The following NRCAM variants were observed in gnomAD, a reference collection of about 807,000 sequenced individuals.
NRCAM encodes the protein NgCAM-related cell adhesion molecule.
NRCAM carries 83 observed loss-of-function variants against 156.5 expected under a neutral mutation model. That is an observed-to-expected ratio of 0.53 (90% CI 0.44 to 0.64). NRCAM has a LOEUF of 0.64. Ranked by LOEUF, NRCAM falls within the 30% of genes least tolerant of loss-of-function variation. The probability of loss-of-function intolerance (pLI) is 0.00; values close to 1 mark genes in which losing one functional copy is unlikely to be tolerated. For missense variants in NRCAM, 1,417 were observed against 1,597.3 expected (o/e 0.89, Z 1.92); for synonymous variants, 538 against 563.9 (o/e 0.95, Z 0.65).
intron 2 of NRCAM, among the ~76,000 whole-genome samples, chr7:108,326,895 GAA>G (rs2154232795): frequency 6.6e-6 from 1 of 152,260 alleles, no homozygotes; most frequent in South Asian, 2.1e-4. Flanking sequence ...TTCAAGGAGA[GAA>G]AAGAGGCAAT....
intron 3 of NRCAM, among the ~76,000 whole-genome samples, chr7:108,277,867 T>TTA (rs769910881): frequency 1.3e-5 from 2 of 152,182 alleles, no homozygotes; most frequent in Non-Finnish European, 2.9e-5. Flanking sequence ...CTCCTCATCT[T>TTA]TGTGGTTTTA....
intron 1 of NRCAM, among the ~76,000 whole-genome samples, chr7:108,446,479 G>T (rs1844328669): frequency 1.3e-5 from 2 of 152,036 alleles, no homozygotes; most frequent in Admixed American, 6.5e-5. Context: ...TATCAAATTT[G>T]GGGGCTCTCA....
chr7:108,359,120 T>A (rs2099530504), intron 2 of NRCAM, among the ~76,000 whole-genome samples: 1 of 152,148 alleles, frequency 6.6e-6, no homozygotes, highest in Admixed American at 6.5e-5. Context: ...TTACCAATAT[T>A]CCCTCCCCAT....
At chr7:108,193,631 T>G (rs2191046) in intron 17 of NRCAM, among the ~76,000 whole-genome samples, 34,561 of 152,152 alleles carry the variant, frequency 0.23, 4,097 homozygotes, top group Non-Finnish European at 0.26. Flanking sequence ...TGTCTTAAAA[T>G]ACTGACAAGG....
rs117816778 is a variant in NRCAM, at chr7:108,454,939, G to A, written c.-332+1304C>T. ...CAAGGGCTGGAGCCCCTGATGCGAA[G>A]AAAAGGGAAGGAGAGAGGCGGGGTG... On this transcript the variant is annotated intron_variant, in intron 1 of 32. Transcript: ENST00000379028. Among the ~76,000 whole-genome samples the A allele has an allele frequency of 6.4e-3, 970 of 152,372 alleles. 5 individuals are homozygous for A. The highest frequency in any genetic ancestry group is 9.9e-3 in the Non-Finnish European group (672 of 68,028).
At chr7:108,229,082 C>T (rs1373996411) in intron 8 of NRCAM, among the ~76,000 whole-genome samples, 19 of 152,096 alleles carry the variant, frequency 1.2e-4, no homozygotes, top group East Asian at 1.9e-4. Context: ...GAAAATAGAA[C>T]GTATTTCCTA....
At chr7:108,223,647 T>G in intron 11 of NRCAM, 78 bp downstream of exon 11, 2 of 685,084 alleles carry the variant, frequency 2.9e-6, no homozygotes, top group Non-Finnish European at 5.0e-6. Context: ...ACTCCTCCTA[T>G]GATATTATTA....
chr7:108,215,212 A>ATTTTTTTT (rs71137615), intron 11 of NRCAM, among the ~76,000 whole-genome samples: 1 of 126,562 alleles, frequency 7.9e-6, no homozygotes, highest in Non-Finnish European at 1.6e-5. Context: ...GTGTCCCACT[A>ATTTTTTTT]TTTTTTTTTT....
At chr7:108,320,369 G>T (rs1445957002) in intron 2 of NRCAM, among the ~76,000 whole-genome samples, 5 of 152,226 alleles carry the variant, frequency 3.3e-5, no homozygotes, top group African/African-American at 1.2e-4. Flanking sequence ...CTGAGGCGAG[G>T]ATTGCTTGAG....
chr7:108,337,722 T>C (rs2099215713), intron 2 of NRCAM, among the ~76,000 whole-genome samples: 1 of 152,078 alleles, frequency 6.6e-6, no homozygotes, highest in African/African-American at 2.4e-5. Context: ...AACACGAGGC[T>C]TGCCACCATC....
chr7:108,202,906 C>T (rs2078949800), intron 13 of NRCAM, among the ~76,000 whole-genome samples: 1 of 152,120 alleles, frequency 6.6e-6, no homozygotes, highest in Admixed American at 6.5e-5. Context: ...GTCTGACAGA[C>T]CTAATACAAC....
intron 2 of NRCAM, among the ~76,000 whole-genome samples, chr7:108,377,193 A>C (rs2267889): frequency 0.043 from 6,510 of 152,204 alleles, 231 homozygotes; most frequent in East Asian, 0.17. Context: ...CAGACTGAAA[A>C]TATATCTGCA....
At position 108,198,117 on chromosome 7, in the gene NRCAM, T is replaced by G; in HGVS notation, c.1208-18A>C. 1 of 1,581,732 alleles carries G rather than the reference T, an allele frequency of 6.3e-7. No individual in the cohort carries two copies. Among genetic ancestry groups the G allele is most frequent in the Non-Finnish European group, 8.6e-7 (1 of 1,168,636 alleles). On this transcript the variant is annotated intron_variant, in intron 13 of 32. Coordinates refer to ENST00000379028, the MANE Select transcript of NRCAM (RefSeq NM_001037132.4). ...AGGGGCAACTGTTTGGATGTAAAAA[T>G]AGAAAGTATTTATTCCTATTTGCTT...
At chr7:108,332,368 G>A (rs569950416) in intron 2 of NRCAM, among the ~76,000 whole-genome samples, 1 of 152,214 alleles carries the variant, frequency 6.6e-6, no homozygotes. Flanking sequence ...GTAGAGACTG[G>A]GTTACTTTCT....
At chr7:108,236,312 C>T (rs1448940234) in intron 5 of NRCAM, among the ~76,000 whole-genome samples, 17 of 152,150 alleles carry the variant, frequency 1.1e-4, no homozygotes, top group Admixed American at 1.1e-3. Flanking sequence ...CAAAAGCTAG[C>T]CTCATTACTG....
chr7:108,302,130 G>C (rs531417128), intron 3 of NRCAM, among the ~76,000 whole-genome samples: 1 of 151,502 alleles, frequency 6.6e-6, no homozygotes, highest in Non-Finnish European at 1.5e-5. Flanking sequence ...AAATTTGTCT[G>C]CTTAGTAATA....
upstream of NRCAM, chr7:108,456,539 C>T (rs917230927): frequency 2.6e-5 from 4 of 152,158 alleles, no homozygotes; most frequent in African/African-American, 4.8e-5. Context: ...CCTCCCGTCC[C>T]CCTCCCCCGC....
intron 11 of NRCAM, among the ~76,000 whole-genome samples, chr7:108,222,880 T>C (rs1257069131): frequency 5.3e-5 from 8 of 152,170 alleles, no homozygotes; most frequent in Non-Finnish European, 8.8e-5. Context: ...AGAAATTCCT[T>C]GTAACACAGA....
intron 2 of NRCAM, among the ~76,000 whole-genome samples, chr7:108,368,771 A>AT (rs1323462490): frequency 6.6e-6 from 1 of 152,158 alleles, no homozygotes; most frequent in Non-Finnish European, 1.5e-5. Context: ...GAGAAACCGT[A>AT]TATTTCTGAA....
Sources: allele counts gnomAD v4.1 joint callset (sites outside exome capture counted in the v4.1 genomes callset), GRCh38; gene constraint gnomAD v4.1.1; transcripts MANE v1.5; gene names NCBI Gene and HGNC (gene_info 2026-07-23, HGNC 2026-07-21).